Variants in TMEM175 observed in about 807,000 individuals in gnomAD.
TMEM175 encodes the protein endosomal/lysosomal proton channel TMEM175.
In TMEM175, 36 loss-of-function variants were observed where a neutral mutation model predicts 36.5. That is an observed-to-expected ratio of 0.99 (90% CI 0.76 to 1.30). The LOEUF is 1.30. Ranked by LOEUF, TMEM175 falls within the 50% of genes most tolerant of loss-of-function variation. The pLI is 0.00. For synonymous variants in TMEM175, 339 were observed against 313.4 expected (o/e 1.08, Z -0.86); for missense variants, 705 against 692.8 (o/e 1.02, Z -0.20).
In TMEM175 at chr4:956,280, C is replaced by T. The variant is rs758678330; in HGVS notation, c.842+390C>T. ...CCTAGTCCCTAGTCCCTCCCATTCCCTCCGGCTCCCTCCCAGTGCCCCCCA... is the reference window on the plus strand; with the variant it reads ...CCTAGTCCCTAGTCCCTCCCATTCCTTCCGGCTCCCTCCCAGTGCCCCCCA... On this transcript the variant is annotated intron_variant, in intron 10 of 10. Transcript: ENST00000264771. 20 of 1,280,880 alleles carry T rather than the reference C, an allele frequency of 1.6e-5. No individual in the cohort carries two copies. In the East Asian group the frequency reaches 5.7e-4, roughly 36 times the overall value. 79.3% of individuals were successfully genotyped at this position (1,280,880 alleles called of 1,614,324 possible).
chr4:947,899 A>G lies in TMEM175; in HGVS notation c.153+7A>G. ...CATCATCGCCACCGTCATGGTCTGT[A>G]CGGGGCCCCTGCTTAGGCCTGCCCC... On this transcript the variant is annotated splice_region_variant and intron_variant, in intron 2 of 10. Transcript: ENST00000264771. 3.7e-6 allele frequency: 6 copies of G among 1,613,764 alleles called. No homozygotes were observed. Among genetic ancestry groups the G allele is most frequent in the Non-Finnish European group, 5.1e-6 (6 of 1,179,994 alleles).
At chr4:952,804 C>T (rs956285909) in intron 7 of TMEM175, among the ~76,000 whole-genome samples, 7 of 151,106 alleles carry the variant, frequency 4.6e-5, no homozygotes, top group Admixed American at 2.6e-4. Flanking sequence ...TGTGAGTGAT[C>T]GATTGCCGTC....
chr4:949,885 G>A (rs1046283743), intron 3 of TMEM175, among the ~76,000 whole-genome samples: 5 of 152,094 alleles, frequency 3.3e-5, no homozygotes, highest in East Asian at 3.9e-4. Context: ...GTGTCCTTCC[G>A]AAGTCCGCAT....
chr4:954,643 G>GGT (rs1235747752), intron 8 of TMEM175, among the ~76,000 whole-genome samples: 1 of 152,158 alleles, frequency 6.6e-6, no homozygotes, highest in Non-Finnish European at 1.5e-5. Flanking sequence ...TCAGGCTGTT[G>GGT]GTGTGTGTGC....
At chr4:935,377 ATCCC>A (rs1408042305) in intron 1 of TMEM175, among the ~76,000 whole-genome samples, 1 of 152,228 alleles carries the variant, frequency 6.6e-6, no homozygotes, top group Non-Finnish European at 1.5e-5. Flanking sequence ...TATAGTCTTA[ATCCC>A]TATAACTGAT....
rs76788590 is a variant in TMEM175 at position 952,285 on chromosome 4, G to A, written c.379-82G>A. On this transcript the variant is annotated intron_variant, in intron 6 of 10. Transcript: ENST00000264771. ...CTCCCAGCGTCCCGTGGAGTGGGGA[G>A]GCTCACCATGGCCCAGTTCCAGGCT... is the stretch of plus-strand genomic sequence containing the variant. 38 of 1,253,562 alleles carry A rather than the reference G, an allele frequency of 3.0e-5. No individual in the cohort carries two copies. In the East Asian group the frequency reaches 5.6e-4, roughly 18 times the overall value. The allele number at this position is 1,253,562 out of a possible 1,614,324, so 77.7% of individuals were successfully genotyped here.
chr4:951,585 AGGGCCCAGCCCT>A, intron 5 of TMEM175, 85 bp from the exon 6 acceptor site: 1 of 1,503,534 alleles, frequency 6.7e-7, no homozygotes, highest in Non-Finnish European at 9.2e-7. Context: ...CTTCTTGGGG[AGGGCCCAGCCCT>A]GTGCCTTCCC....
intron 1 of TMEM175, among the ~76,000 whole-genome samples, chr4:940,313 T>C (rs1727282018): frequency 6.6e-6 from 1 of 151,916 alleles, no homozygotes; most frequent in Admixed American, 6.6e-5. Flanking sequence ...CTGGGCGTGG[T>C]GGCATGCGCC....
chr4:955,572 C>CTCCGCACT, intron 9 of TMEM175, 89 bp downstream of exon 9: 1 of 1,484,358 alleles, frequency 6.7e-7, no homozygotes, highest in Non-Finnish European at 9.3e-7. Context: ...GTCCGTGGGC[C>CTCCGCACT]GAGGCCCGTG....
intron 10 of TMEM175, 110 bp downstream of exon 10, chr4:956,000 T>C (rs1271271611): frequency 9.7e-6 from 13 of 1,344,828 alleles, no homozygotes; most frequent in Non-Finnish European, 1.2e-5. Context: ...GGCTCCACCC[T>C]CCTCTGGATG....
At chr4:954,166 T>A (rs146060775) in intron 8 of TMEM175, among the ~76,000 whole-genome samples, 267 of 152,052 alleles carry the variant, frequency 1.8e-3, no homozygotes, top group Non-Finnish European at 3.2e-3. Context: ...GTTTTGTATT[T>A]TTAGTAGACA....
chr4:934,493 T>C lies in TMEM175; in HGVS notation c.-32+1953T>C, dbSNP rs369176678. 2.1e-3 allele frequency among the ~76,000 whole-genome samples: 322 copies of C among 152,326 alleles called. 16 individuals carry two copies. In the South Asian group the frequency reaches 0.059, roughly 28 times the overall value. The stretch of plus-strand genomic sequence containing the variant: ...GGATCATTGGTGACCTCACCAAGAA[T>C]AGCTTCATTGGAGTAATGAGGTGGA... On this transcript the variant is annotated intron_variant, in intron 1 of 10. Transcript: ENST00000264771.
chr4:941,428 G>C (rs1438301364), intron 1 of TMEM175, among the ~76,000 whole-genome samples: 4 of 147,332 alleles, frequency 2.7e-5, no homozygotes, highest in African/African-American at 9.9e-5. Context: ...TGTACTTTCT[G>C]CTCTATTTTT....
chr4:934,265 C>G (rs986472618), intron 1 of TMEM175, among the ~76,000 whole-genome samples: 7 of 152,138 alleles, frequency 4.6e-5, no homozygotes, highest in African/African-American at 1.7e-4. Context: ...GTGTACTAGA[C>G]ATAAAGAGGT....
Position 952,448 on chromosome 4 carries a change from C to G in TMEM175, c.460C>G (p.Gln154Glu). 2 of 1,582,204 alleles carry G rather than the reference C, an allele frequency of 1.3e-6. No homozygotes were observed. The highest frequency in any genetic ancestry group is 1.9e-4 in the Middle Eastern group (1 of 5,382). ...GTGTGTGATCGCCATTGGGGTCGTG[C>G]AGGTAGGGGGCCTGGGGGGCCTGCA... ...CVCVIAIGVV[Q>E]ALIVGYAFHF... The change falls in exon 7 of 11, where the codon CAG becomes GAG. Residue 154 changes from glutamine to glutamate, a missense_variant and splice_region_variant. By Grantham distance (29) the Gln-to-Glu change is conservative. Transcript: ENST00000264771.
At chr4:952,796 TGA>T (rs925758544) in intron 7 of TMEM175, among the ~76,000 whole-genome samples, 11 of 151,486 alleles carry the variant, frequency 7.3e-5, no homozygotes, top group Admixed American at 7.2e-4. Flanking sequence ...TGTATATGTG[TGA>T]GTGATCGATT....
At chr4:951,144 G>A (rs190327384) in intron 4 of TMEM175, 63 bp from the exon 5 acceptor site, 3 of 1,404,700 alleles carry the variant, frequency 2.1e-6, no homozygotes, top group East Asian at 2.3e-5. Flanking sequence ...TGGAAAGAGT[G>A]TGTGTGCATT....
chr4:948,236 G>C, intron 3 of TMEM175, 82 bp downstream of exon 3: 2 of 1,611,556 alleles, frequency 1.2e-6, no homozygotes, highest in Non-Finnish European at 1.7e-6. Context: ...ACAGGGTGCT[G>C]ACCCTGCACG....
At chr4:948,590 C>A (rs866391073) in intron 3 of TMEM175, 2 of 1,307,330 alleles carry the variant, frequency 1.5e-6, no homozygotes, top group Middle Eastern at 4.2e-4. Context: ...GACACTCCCA[C>A]CCCGGCTGCT....
Sources: allele counts gnomAD v4.1 joint callset (sites outside exome capture counted in the v4.1 genomes callset), GRCh38; gene constraint gnomAD v4.1.1; transcripts MANE v1.5; gene names NCBI Gene and HGNC (gene_info 2026-07-23, HGNC 2026-07-21).